The following IL17RA variants were observed in gnomAD, a reference collection of about 807,000 sequenced individuals.
The protein encoded by IL17RA is interleukin-17 receptor A.
Under a neutral mutation model 50.4 loss-of-function variants are expected in IL17RA, and 34 were observed. The ratio of observed to expected loss-of-function variants is 0.67; its 90% confidence interval spans 0.51 to 0.90. IL17RA has a LOEUF of 0.90. Among genes scored for constraint, IL17RA ranks in the 40% least tolerant of loss-of-function variants. The pLI is 0.00. For synonymous variants in IL17RA, 585 were observed against 510.4 expected, an observed-to-expected ratio of 1.15 and a Z score of -1.97; for missense variants, 1,276 against 1,169.8, an observed-to-expected ratio of 1.09 and a Z score of -1.32.
At chr22:17,094,687 C>CTATATATA (rs1290093835) in intron 1 of IL17RA, among the ~76,000 whole-genome samples, 10 of 43,270 alleles carry the variant, frequency 2.3e-4, no homozygotes, top group East Asian at 5.1e-4. Context: ...CTCTCTCTCT[C>CTATATATA]TCTCTATATA....
chr22:17,094,522 T>G (rs1345430105), intron 1 of IL17RA, among the ~76,000 whole-genome samples: 1 of 150,552 alleles, frequency 6.6e-6, no homozygotes, highest in Non-Finnish European at 1.5e-5. Flanking sequence ...TATATGTATA[T>G]TTTTCAGTTT....
intron 2 of IL17RA, 144 bp from the exon 3 acceptor site, chr22:17,097,653 A>T: frequency 2.3e-6 from 2 of 865,224 alleles, no homozygotes; most frequent in Non-Finnish European, 3.7e-6. Context: ...GCAGGGCAGT[A>T]AAGCTGAGGA....
chr22:17,097,987 T>C (rs751843347), intron 3 of IL17RA, 44 bp downstream of exon 3: 19 of 1,610,750 alleles, frequency 1.2e-5, no homozygotes, highest in Non-Finnish European at 1.6e-5. Context: ...TCTCCCTGCC[T>C]CCAAGTGGCT....
intron 1 of IL17RA, among the ~76,000 whole-genome samples, chr22:17,095,110 C>G (rs2061364154): frequency 6.6e-6 from 1 of 152,014 alleles, no homozygotes; most frequent in South Asian, 2.1e-4. Context: ...GAACATAAAT[C>G]CATGCAATTC....
In IL17RA at chr22:17,109,517, G is replaced by A. The variant is rs1178154270; in HGVS notation, c.2298G>A (p.Gly766=). ...FEQSLSCQAQ[G]GCSRPAMVLT... is the part of the protein sequence containing the mutation. ...AGAGTCTGAGCTGCCAGGCCCAGGG[G>A]GGCTGCAGTAGACCCGCCATGGTCC... Residue 766 remains glycine, a synonymous_variant, in exon 13 of 13, where the codon GGG becomes GGA. Transcript: ENST00000319363. 2.5e-6 allele frequency: 4 copies of A among 1,599,162 alleles called. No individual in the cohort carries two copies. The East Asian group carries it at 6.8e-5, about 27-fold the overall frequency.
intron 3 of IL17RA, among the ~76,000 whole-genome samples, chr22:17,098,363 G>A (rs2061376340): frequency 6.6e-6 from 1 of 152,158 alleles, no homozygotes; most frequent in Admixed American, 6.5e-5. Context: ...TGGGACGATT[G>A]GGGCTTATGA....
intron 5 of IL17RA, 121 bp downstream of exon 5, chr22:17,100,602 GACCCAC>G (rs2061387526): frequency 7.7e-7 from 1 of 1,303,982 alleles, no homozygotes; most frequent in African/African-American, 1.4e-5. Flanking sequence ...CAGCACCTGG[GACCCAC>G]AGAACAAACA....
intron 9 of IL17RA, among the ~76,000 whole-genome samples, chr22:17,105,059 C>T (rs1451318512): frequency 6.6e-6 from 1 of 152,198 alleles, no homozygotes; most frequent in Non-Finnish European, 1.5e-5. Flanking sequence ...TTCTCAACTT[C>T]CTTGACTGGA....
intron 1 of IL17RA, among the ~76,000 whole-genome samples, chr22:17,092,990 C>G (rs2123793113): frequency 6.6e-6 from 1 of 152,144 alleles, no homozygotes; most frequent in Middle Eastern, 3.4e-3. Flanking sequence ...GTGTCCTGCC[C>G]CTGTCTTACA....
In IL17RA at chr22:17,110,281, C is replaced by T. The variant is rs1419739754; in HGVS notation, c.*461C>T. Reference sequence around the variant, plus strand: ...GGGAGGCCGAGGCAGGTGGATCACTCTGAGGTCAGGAGTTTGAGCCAGCCT... The same window carrying T: ...GGGAGGCCGAGGCAGGTGGATCACTTTGAGGTCAGGAGTTTGAGCCAGCCT... On this transcript the variant is annotated 3_prime_UTR_variant, in exon 13 of 13. Coordinates refer to ENST00000319363, the MANE Select transcript of IL17RA (RefSeq NM_014339.7). The T allele has an allele frequency of 4.3e-6, 1 of 231,848 alleles. No individual in the cohort carries two copies. Among genetic ancestry groups the T allele is most frequent in the Non-Finnish European group, 8.6e-6 (1 of 116,060 alleles). The allele number at this position is 231,848 out of a possible 1,614,324, so 14.4% of individuals were successfully genotyped here.
Position 17,111,839 on chromosome 22 carries a change from A to G in IL17RA, c.*2019A>G, listed in dbSNP as rs891425938. The G allele has an allele frequency of 9.2e-5, 14 of 152,212 alleles. No homozygotes were observed. Among genetic ancestry groups the G allele is most frequent in the African/African-American group, 3.4e-4 (14 of 41,440 alleles). The allele number at this position is 152,212 out of a possible 1,614,324, so 9.4% of individuals were successfully genotyped here. On this transcript the variant is annotated 3_prime_UTR_variant, in exon 13 of 13. Coordinates refer to ENST00000319363, the MANE Select transcript of IL17RA (RefSeq NM_014339.7). The stretch of plus-strand genomic sequence containing the variant: ...AGGTCGAGCCACTTACTGTAGGTCA[A>G]GAAGTTGCTAGTTGCGGAGTTTTTT...
intron 1 of IL17RA, among the ~76,000 whole-genome samples, chr22:17,087,208 T>A (rs1227775975): frequency 6.6e-6 from 1 of 152,224 alleles, no homozygotes; most frequent in African/African-American, 2.4e-5. Flanking sequence ...GTGGATGCAA[T>A]GTGGTATAGT....
At position 17,100,219 on chromosome 22, in the gene IL17RA, A is replaced by G; in HGVS notation, c.424-136A>G. On this transcript the variant is annotated intron_variant, in intron 4 of 12. Transcript: ENST00000319363. ...AAGATACTGATTTCCCTGACCTTGG[A>G]TTTTGCTGTGGTTGTTGCTTTGTTC... 3 of 997,596 alleles carry G rather than the reference A, an allele frequency of 3.0e-6. No homozygotes were observed. In the Admixed American group the frequency reaches 5.2e-5, roughly 17 times the overall value. The allele number at this position is 997,596 out of a possible 1,614,324, so 61.8% of individuals were successfully genotyped here.
chr22:17,102,271 G>A lies in IL17RA; in HGVS notation c.731G>A (p.Ser244Asn). ...LTSFPHMENH[S>N]CFEHMHHIPA... ...AGTTTTCCGCACATGGAGAACCACA[G>A]TTGCTTTGAGCACATGCACCACATA... The change falls in exon 7 of 13, where the codon AGT (serine) becomes AAT (asparagine). Residue 244 changes from serine (S) to asparagine (N), a missense_variant. By Grantham distance (46) the Ser-to-Asn change is conservative. Coordinates refer to ENST00000319363, the MANE Select transcript of IL17RA (RefSeq NM_014339.7). The A allele has an allele frequency of 6.2e-7, 1 of 1,614,154 alleles. No individual in the cohort carries two copies. The highest frequency in any genetic ancestry group is 8.5e-7 in the Non-Finnish European group (1 of 1,180,032).
rs1302439369 is a variant in IL17RA at position 17,102,238 on chromosome 22, T to C, written c.698T>C (p.Leu233Pro). ...AACGAATCTACCCATTACCAGATCC[T>C]GCTGACCAGTTTTCCGCACATGGAG... The part of the protein sequence containing the change: ...LWNESTHYQI[L>P]LTSFPHMENH... Residue 233 changes from leucine to proline, a missense_variant, in exon 7 of 13, where the codon CTG becomes CCG. Coordinates refer to ENST00000319363, the MANE Select transcript of IL17RA (RefSeq NM_014339.7). 1 of 1,614,210 alleles carries C rather than the reference T, an allele frequency of 6.2e-7. No homozygotes were observed. The highest frequency in any genetic ancestry group is 8.5e-7 in the Non-Finnish European group (1 of 1,180,036).
rs561656428 is a variant in IL17RA at position 17,108,385 on chromosome 22, C to G, written c.1166C>G (p.Pro389Arg). 59 of 1,614,022 alleles carry G rather than the reference C, an allele frequency of 3.7e-5. No homozygotes were observed. The highest frequency in any genetic ancestry group is 3.3e-4 in the Middle Eastern group (2 of 6,062). ...TGGATCATCTACTCAGCCGACCACCCCCTCTACGTGGACGTGGTCCTGAAA... is the reference window on the plus strand; with the variant it reads ...TGGATCATCTACTCAGCCGACCACCGCCTCTACGTGGACGTGGTCCTGAAA... ...KVWIIYSADH[P>R]LYVDVVLKFA... is the part of the protein sequence containing the mutation. Residue 389 changes from proline to arginine, a missense_variant, in exon 13 of 13, where the codon CCC becomes CGC. Transcript: ENST00000319363.
At chr22:17,091,936 A>G (rs1282729324) in intron 1 of IL17RA, among the ~76,000 whole-genome samples, 3 of 152,170 alleles carry the variant, frequency 2.0e-5, no homozygotes, top group Non-Finnish European at 4.4e-5. Flanking sequence ...AATCCTTAGA[A>G]TCTCCAAAAT....
chr22:17,110,018 C>T lies in IL17RA; in HGVS notation c.*198C>T. On this transcript the variant is annotated 3_prime_UTR_variant, in exon 13 of 13. Coordinates refer to ENST00000319363, the MANE Select transcript of IL17RA (RefSeq NM_014339.7). ...CAGCGGTCTGGTTATCGTCTATCCC[C>T]AGGGGAATCCACACAGCCCGCTCCC... 1.6e-6 allele frequency: 1 copy of T among 618,506 alleles called. No individual in the cohort carries two copies. Among genetic ancestry groups the T allele is most frequent in the South Asian group, 2.0e-5 (1 of 50,740 alleles). 38.3% of individuals were successfully genotyped at this position (618,506 alleles called of 1,614,324 possible).
rs550049140 is a variant in IL17RA, at chr22:17,097,201, A to C, written c.163+115A>C. 7.8e-4 allele frequency: 765 copies of C among 981,402 alleles called. 2 individuals are homozygous for C. Among genetic ancestry groups the C allele is most frequent in the Middle Eastern group, 8.2e-4 (4 of 4,858 alleles). The allele number at this position is 981,402 out of a possible 1,614,324, so 60.8% of individuals were successfully genotyped here. On this transcript the variant is annotated intron_variant, in intron 2 of 12. Transcript: ENST00000319363. ...ACTCCAGGTTCAGGCTGTGAGCTAC[A>C]GCCATCCGCAGGAGGGTTCCCGGAG...
Sources: gnomAD v4.1 joint callset for allele counts (sites outside exome capture counted in the v4.1 genomes callset) on GRCh38, gnomAD v4.1.1 for gene constraint, MANE v1.5 for transcripts, NCBI Gene and HGNC (gene_info 2026-07-23, HGNC 2026-07-21) for gene names.